Variants in CREB3L1 observed in about 807,000 individuals in gnomAD.
CREB3L1 encodes cyclic AMP-responsive element-binding protein 3-like protein 1.
CREB3L1 carries 33 observed loss-of-function variants against 54.5 expected under a neutral mutation model. The observed-to-expected ratio is 0.61, with a 90% CI of 0.46 to 0.81. The LOEUF (loss-of-function observed/expected upper bound fraction) is 0.81, where lower values mean the gene tolerates loss of function less well. CREB3L1 is among the 30% of genes least tolerant of loss of function. The probability of loss-of-function intolerance (pLI) is 0.00; values close to 1 mark genes in which losing one functional copy is unlikely to be tolerated. For synonymous variants in CREB3L1, 284 were observed against 286.4 expected (o/e 0.99, Z 0.08); for missense variants, 656 against 673.3 (o/e 0.97, Z 0.29).
chr11:46,293,343 CCAGA>C (rs959394357), intron 1 of CREB3L1, among the ~76,000 whole-genome samples: 5 of 152,196 alleles, frequency 3.3e-5, no homozygotes, highest in Non-Finnish European at 5.9e-5. Context: ...TTCCTCCTGC[CCAGA>C]CAGTGCCTGG....
chr11:46,305,119 G>A (rs1051088114), intron 2 of CREB3L1, among the ~76,000 whole-genome samples: 1 of 152,128 alleles, frequency 6.6e-6, no homozygotes, highest in Admixed American at 6.5e-5. Context: ...CTTGAATGTT[G>A]GCTCCCCTCC....
At chr11:46,315,163 T>C (rs1590351939) in intron 8 of CREB3L1, 4 of 309,838 alleles carry the variant, frequency 1.3e-5, no homozygotes, top group South Asian at 3.1e-5. Flanking sequence ...TCCTTCCTTC[T>C]CCCCCAGCTT....
At position 46,320,521 on chromosome 11, in the gene CREB3L1, C is replaced by A; in HGVS notation, c.1516C>A (p.His506Asn). The A allele has an allele frequency of 6.9e-7, 1 of 1,446,550 alleles. No individual in the cohort carries two copies. Among genetic ancestry groups the A allele is most frequent in the South Asian group, 1.2e-5 (1 of 82,480 alleles). The allele number at this position is 1,446,550 out of a possible 1,614,324, so 89.6% of individuals were successfully genotyped here. Residue 506 changes from histidine to asparagine, a missense_variant, in exon 11 of 12, where the codon CAC becomes AAC. By Grantham distance (68) the His-to-Asn change is moderately conservative (BLOSUM62 1). Around this residue, in one of 3 missense-constraint regions of CREB3L1, gnomAD observed 240 missense variants for 219.8 expected, o/e 1.09. Coordinates refer to ENST00000621158, the MANE Select transcript of CREB3L1 (RefSeq NM_052854.4). ...PDFSHSKEWF[H>N]DRDLGPNTTI... ...CTTCTCCCACTCCAAGGAGTGGTTC[C>A]ACGACAGGTGGGGTGTGTGGCCCCT...
intron 2 of CREB3L1, among the ~76,000 whole-genome samples, chr11:46,306,049 T>C (rs1939392770): frequency 6.6e-6 from 1 of 151,770 alleles, no homozygotes; most frequent in African/African-American, 2.4e-5. Flanking sequence ...ATTTTTTTAA[T>C]TGATTTAATT....
Position 46,278,154 on chromosome 11 carries a change from C to A in CREB3L1, c.43C>A (p.Pro15Thr). Reference sequence around the variant, plus strand: ...ACCCTTCCCGGCCGACAGGCTGTTCCCCGGATCCAGCTTCCTGGACTTGGG... The same window carrying A: ...ACCCTTCCCGGCCGACAGGCTGTTCACCGGATCCAGCTTCCTGGACTTGGG... ...LEPFPADRLF[P>T]GSSFLDLGDL... The change falls in exon 1 of 12, where the codon CCC (proline) becomes ACC (threonine). Residue 15 changes from proline to threonine, a missense_variant. Coordinates refer to ENST00000621158, the MANE Select transcript of CREB3L1 (RefSeq NM_052854.4). The surrounding 1 kb of genome is among the most constrained non-coding windows in gnomAD (Gnocchi z 4.2). 1 of 1,573,212 alleles carries A rather than the reference C, an allele frequency of 6.4e-7. No homozygotes were observed. The highest frequency in any genetic ancestry group is 2.4e-5 in the East Asian group (1 of 42,226).
At chr11:46,317,630 A>C in intron 10 of CREB3L1, 143 bp downstream of exon 10, 1 of 1,073,750 alleles carries the variant, frequency 9.3e-7, no homozygotes, top group Non-Finnish European at 1.3e-6. Flanking sequence ...CAGATGGGGA[A>C]ACCGAGGCCC....
At chr11:46,306,728 T>C (rs1263228518) in intron 2 of CREB3L1, among the ~76,000 whole-genome samples, 1 of 152,046 alleles carries the variant, frequency 6.6e-6, no homozygotes, top group African/African-American at 2.4e-5. Context: ...GTTTACTAAA[T>C]AACAGTAGTT....
At position 46,295,641 on chromosome 11, in the gene CREB3L1, A is replaced by G. The variant is rs1234548874; in HGVS notation, c.103-4294A>G. Among the ~76,000 whole-genome samples the G allele has an allele frequency of 6.6e-6, 1 of 152,150 alleles. No homozygotes were observed. The highest frequency in any genetic ancestry group is 6.5e-5 in the Admixed American group (1 of 15,284). On this transcript the variant is annotated intron_variant, in intron 1 of 11. Transcript: ENST00000621158. This position sits in a 1 kb window ranked among gnomAD's most constrained non-coding sequence, Gnocchi z 4.6. ...CTCCTCCGGTGCCCTCCACGCCGCC[A>G]CCGGCTGCTGCTCGCAGCCTCCCGC...
chr11:46,289,994 G>A (rs1240803911), intron 1 of CREB3L1, among the ~76,000 whole-genome samples: 1 of 152,182 alleles, frequency 6.6e-6, no homozygotes, highest in Non-Finnish European at 1.5e-5. Flanking sequence ...GGGGAACAGA[G>A]TTGTGGGACC....
intron 2 of CREB3L1, among the ~76,000 whole-genome samples, chr11:46,300,671 C>A (rs1040764719): frequency 6.6e-5 from 10 of 151,698 alleles, no homozygotes; most frequent in African/African-American, 2.4e-4. Context: ...GAGTTCGAGA[C>A]CAGCCTGGCC....
At chr11:46,280,362 T>A (rs1254130046) in intron 1 of CREB3L1, among the ~76,000 whole-genome samples, 2 of 151,852 alleles carry the variant, frequency 1.3e-5, no homozygotes, top group Non-Finnish European at 2.9e-5. Flanking sequence ...TAATTTTTTT[T>A]TATATTTTTA....
intron 10 of CREB3L1, among the ~76,000 whole-genome samples, chr11:46,319,251 G>A (rs1939611892): frequency 6.6e-6 from 1 of 152,178 alleles, no homozygotes; most frequent in Non-Finnish European, 1.5e-5. Context: ...CGCAGTTCCA[G>A]GGACCTCTGT....
At position 46,309,995 on chromosome 11, in the gene CREB3L1, G is replaced by A. The variant is rs201288428; in HGVS notation, c.523G>A (p.Gly175Arg). 8 of 1,600,302 alleles carry A rather than the reference G, an allele frequency of 5.0e-6. No individual in the cohort carries two copies. Among genetic ancestry groups the A allele is most frequent in the Middle Eastern group, 1.6e-4 (1 of 6,072 alleles). Reference protein sequence around the residue: ...SRLPIPHQAPGEMTQLPVIKA... With the variant: ...SRLPIPHQAPREMTQLPVIKA... ...GGGCTTGTCTGTTCCTCAGGCCCCGGGAGAGATGACTCAGCTGCCAGTGAT... is the reference window on the plus strand; with the variant it reads ...GGGCTTGTCTGTTCCTCAGGCCCCGAGAGAGATGACTCAGCTGCCAGTGAT... Residue 175 changes from glycine to arginine, a missense_variant, in exon 4 of 12, where the codon GGA becomes AGA. Gly to Arg is a moderately radical substitution (Grantham distance 125). This residue lies in a region of CREB3L1 where 339 missense variants were observed against 331.5 expected (regional missense o/e 1.02). Transcript: ENST00000621158.
intron 2 of CREB3L1, among the ~76,000 whole-genome samples, chr11:46,302,934 T>C (rs1939325167): frequency 6.6e-6 from 1 of 152,068 alleles, no homozygotes; most frequent in Non-Finnish European, 1.5e-5. Flanking sequence ...GGAGCTGAGA[T>C]TGCACCACTG....
intron 3 of CREB3L1, among the ~76,000 whole-genome samples, chr11:46,308,889 T>C (rs919515793): frequency 6.6e-6 from 1 of 152,150 alleles, no homozygotes; most frequent in East Asian, 1.9e-4. Flanking sequence ...TCCTCAGGCC[T>C]TGCCAAAGCA....
At position 46,320,433 on chromosome 11, in the gene CREB3L1, C is replaced by A; in HGVS notation, c.1428C>A (p.His476Gln). The A allele has an allele frequency of 6.2e-7, 1 of 1,610,850 alleles. No individual in the cohort carries two copies. The highest frequency in any genetic ancestry group is 2.2e-5 in the East Asian group (1 of 44,708). ...AGCATGATCACCTGGACAGCACCCA[C>A]GAGACCACCAAGTACCTGAGTGAGG... ...HLQHDHLDST[H>Q]ETTKYLSEAW... The change falls in exon 11 of 12, where the codon CAC becomes CAA. Residue 476 changes from histidine (H) to glutamine (Q), a missense_variant. By Grantham distance (24) the His-to-Gln change is conservative (BLOSUM62 0). Coordinates refer to ENST00000621158, the MANE Select transcript of CREB3L1 (RefSeq NM_052854.4).
intron 9 of CREB3L1, 64 bp downstream of exon 9, chr11:46,316,449 C>A: frequency 8.9e-7 from 1 of 1,128,922 alleles, no homozygotes; most frequent in Non-Finnish European, 1.3e-6. Context: ...CTGGCTTTTT[C>A]CAGGGTTGGG....
rs199793878 is a variant in CREB3L1, at chr11:46,305,743, TATA to T, written c.332-2072_332-2070del. Among the ~76,000 whole-genome samples the T allele has an allele frequency of 4.7e-3, 479 of 101,242 alleles. 5 individuals carry two copies. Among genetic ancestry groups the T allele is most frequent in the South Asian group, 0.017 (54 of 3,226 alleles). 66.4% of individuals were successfully genotyped at this position (101,242 alleles called of 152,430 possible). ...GTGTGTGTGTGTGTGTATATATATA[TATA>T]TTTTTTTTTAAGACGGAGTCTCGCT... On this transcript the variant is annotated intron_variant, in intron 2 of 11. Coordinates refer to ENST00000621158, the MANE Select transcript of CREB3L1 (RefSeq NM_052854.4).
chr11:46,277,990 G>GGGGGGGCCC lies in CREB3L1; in HGVS notation c.-122_-121insGGGGGGCCC. 1 of 430,804 alleles carries GGGGGGGCCC rather than the reference G, an allele frequency of 2.3e-6. No individual in the cohort carries two copies. The highest frequency in any genetic ancestry group is 3.9e-6 in the Non-Finnish European group (1 of 259,320). The allele number at this position is 430,804 out of a possible 1,614,324, so 26.7% of individuals were successfully genotyped here. On this transcript the variant is annotated 5_prime_UTR_variant, in exon 1 of 12. Coordinates refer to ENST00000621158, the MANE Select transcript of CREB3L1 (RefSeq NM_052854.4). ...CGCCTCCGTCCGCCCCTCCCCCGGG[G>GGGGGGGCCC]CTTCGCCCCGGACCTGCCCCCCGCC...
Sources: allele counts gnomAD v4.1 joint callset (sites outside exome capture counted in the v4.1 genomes callset), GRCh38; gene constraint gnomAD v4.1.1; regional missense constraint gnomAD v4.1.1; non-coding constraint Gnocchi (gnomAD v3.1); transcripts MANE v1.5; gene names NCBI Gene and HGNC (gene_info 2026-07-23, HGNC 2026-07-21).